The following AHCYL1 variants were observed in gnomAD, a reference collection of about 807,000 sequenced individuals.
AHCYL1 encodes S-adenosylhomocysteine hydrolase-like protein 1.
In AHCYL1, 20 loss-of-function variants were observed where a neutral mutation model predicts 79.3. The ratio of observed to expected loss-of-function variants is 0.25; its 90% CI spans 0.18 to 0.37. The LOEUF (loss-of-function observed/expected upper bound fraction) is 0.37, where lower values mean the gene tolerates loss of function less well. Among genes scored for constraint, AHCYL1 ranks in the 10% least tolerant of loss-of-function variants. The pLI is 1.00. For synonymous variants in AHCYL1, 223 were observed against 242.2 expected (o/e 0.92, Z 0.74); for missense variants, 330 against 673.6 (o/e 0.49, Z 5.65).
chr1:110,010,324 A>C (rs577160147), intron 2 of AHCYL1, among the ~76,000 whole-genome samples: 2 of 152,366 alleles, frequency 1.3e-5, no homozygotes, highest in Non-Finnish European at 2.9e-5. Context: ...GGACCTGTAC[A>C]TAGAAGTCAG....
chr1:109,996,979 G>A (rs1225226952), intron 1 of AHCYL1, among the ~76,000 whole-genome samples: 1 of 152,164 alleles, frequency 6.6e-6, no homozygotes, highest in Non-Finnish European at 1.5e-5. Flanking sequence ...TTATCTCCTC[G>A]CCAGACTGGG....
At chr1:110,015,588 T>A (rs191023484) in intron 7 of AHCYL1, 57 bp downstream of exon 7, 1 of 1,394,912 alleles carries the variant, frequency 7.2e-7, no homozygotes, top group Non-Finnish European at 1.0e-6. Flanking sequence ...ACTCTCCTGG[T>A]CTCTGTTAGG....
rs959481105 is a variant in AHCYL1 at position 110,022,503 on chromosome 1, A to G, written c.*823A>G. 1 of 152,552 alleles carries G rather than the reference A, an allele frequency of 6.6e-6. No homozygotes were observed. The highest frequency in any genetic ancestry group is 1.5e-5 in the Non-Finnish European group (1 of 68,022). 9.4% of individuals were successfully genotyped at this position (152,552 alleles called of 1,614,324 possible). On this transcript the variant is annotated 3_prime_UTR_variant, in exon 17 of 17. Transcript: ENST00000369799. Reference sequence around the variant, plus strand: ...GGAGCTAAGGATGCTGAGTCTAGAGAAATGCTAGTCTCAAGCCCTGTTAAG... The same window carrying G: ...GGAGCTAAGGATGCTGAGTCTAGAGGAATGCTAGTCTCAAGCCCTGTTAAG...
rs1327153959 is a variant in AHCYL1 at position 110,022,055 on chromosome 1, C to T, written c.*375C>T. ...AATGTCTAAATCGCCTTAAAAGAGC[C>T]CATTTCTTAGCTGCTGAAATCAGTG... On this transcript the variant is annotated 3_prime_UTR_variant, in exon 17 of 17. Transcript: ENST00000369799. 5.7e-6 allele frequency: 1 copy of T among 176,510 alleles called. No homozygotes were observed. The highest frequency in any genetic ancestry group is 1.2e-5 in the Non-Finnish European group (1 of 84,446). 10.9% of individuals were successfully genotyped at this position (176,510 alleles called of 1,614,324 possible). A position where few individuals can be genotyped will look rare whatever the true frequency, so the allele number is the denominator to read the frequency against.
intron 1 of AHCYL1, 144 bp from the exon 2 acceptor site, chr1:110,008,890 C>T (rs376133328): frequency 7.0e-6 from 4 of 573,952 alleles, no homozygotes; most frequent in Non-Finnish European, 1.2e-5. Flanking sequence ...TCGGCCTTCC[C>T]CCATTTCTGG....
At chr1:110,020,022 A>T (rs1395466742) in intron 15 of AHCYL1, among the ~76,000 whole-genome samples, 2 of 152,172 alleles carry the variant, frequency 1.3e-5, no homozygotes, top group African/African-American at 4.8e-5. Context: ...AAACCATCCA[A>T]TCTCTTGTAA....
At chr1:110,016,555 A>G (rs1257838380) in intron 8 of AHCYL1, 95 bp downstream of exon 8, 3 of 1,564,954 alleles carry the variant, frequency 1.9e-6, no homozygotes, top group South Asian at 1.1e-5. Context: ...ACTGAGCTCA[A>G]CCAGCTTCCA....
chr1:110,004,193 C>G (rs1323447345), intron 1 of AHCYL1: 19 of 985,514 alleles, frequency 1.9e-5, no homozygotes, highest in Non-Finnish European at 2.2e-5. Flanking sequence ...TGTTGAGACA[C>G]AGAGGCGGGA....
intron 11 of AHCYL1, 76 bp downstream of exon 11, chr1:110,018,092 G>A (rs1651538150): frequency 6.9e-7 from 1 of 1,455,504 alleles, no homozygotes; most frequent in Non-Finnish European, 9.6e-7. Context: ...TCATACAAAG[G>A]AGGTGAGACC....
At position 110,011,206 on chromosome 1, in the gene AHCYL1, G is replaced by T. The variant is rs1359479031; in HGVS notation, c.233-8G>T. Reference sequence around the variant, plus strand: ...TTCTATCCTTGTTTTTTTCTTTCCTGGCTCTAGCTGCATCCTACACAGATA... The same window carrying T: ...TTCTATCCTTGTTTTTTTCTTTCCTTGCTCTAGCTGCATCCTACACAGATA... On this transcript the variant is annotated splice_polypyrimidine_tract_variant and splice_region_variant and intron_variant, in intron 2 of 16. Coordinates refer to ENST00000369799, the MANE Select transcript of AHCYL1 (RefSeq NM_006621.7). The T allele has an allele frequency of 6.2e-6, 10 of 1,609,160 alleles. No individual in the cohort carries two copies. The highest frequency in any genetic ancestry group is 3.4e-5 in the Admixed American group (2 of 58,356).
Position 110,021,715 on chromosome 1 carries a change from C to G in AHCYL1, c.*35C>G, listed in dbSNP as rs1163455702. The G allele has an allele frequency of 6.3e-7, 1 of 1,597,832 alleles. No homozygotes were observed. The highest frequency in any genetic ancestry group is 8.6e-7 in the Non-Finnish European group (1 of 1,167,342). ...CTACCAAGGACCAGTCCACCTGAAC[C>G]ACACACTCTAAAGAAATATTTTTTA... On this transcript the variant is annotated 3_prime_UTR_variant, in exon 17 of 17. Coordinates refer to ENST00000369799, the MANE Select transcript of AHCYL1 (RefSeq NM_006621.7).
intron 1 of AHCYL1, chr1:110,004,248 CCTCTCCCCCAAGAAA>C (rs1650506600): frequency 1.0e-6 from 1 of 985,350 alleles, no homozygotes; most frequent in Admixed American, 6.2e-5. Context: ...GCCTGCCCTC[CCTCTCCCCCAAGAAA>C]CTCAGGCCCC....
intron 3 of AHCYL1, 134 bp downstream of exon 3, chr1:110,011,491 A>G: frequency 8.2e-7 from 1 of 1,217,472 alleles, no homozygotes; most frequent in Admixed American, 2.5e-5. Context: ...ACTTTCGGAT[A>G]AACACTTCTC....
At chr1:110,020,593 T>C in intron 15 of AHCYL1, 138 bp from the exon 16 acceptor site, 7 of 1,202,686 alleles carry the variant, frequency 5.8e-6, no homozygotes, top group Non-Finnish European at 8.0e-6. Context: ...TAAGCAAATA[T>C]TTCAAGTTGT....
At chr1:109,993,517 T>C (rs1649872008) in intron 1 of AHCYL1, among the ~76,000 whole-genome samples, 1 of 152,258 alleles carries the variant, frequency 6.6e-6, no homozygotes, top group African/African-American at 2.4e-5. Flanking sequence ...ACTTATGTGG[T>C]GGCTTTGACT....
chr1:110,012,303 G>T, intron 3 of AHCYL1, 59 bp from the exon 4 acceptor site: 1 of 1,488,218 alleles, frequency 6.7e-7, no homozygotes, highest in Non-Finnish European at 9.3e-7. Context: ...CCAGCCCTGG[G>T]GCAGGAACTG....
chr1:110,010,894 C>T (rs1005506658), intron 2 of AHCYL1, among the ~76,000 whole-genome samples: 1 of 152,218 alleles, frequency 6.6e-6, no homozygotes, highest in Non-Finnish European at 1.5e-5. Context: ...AGGTCTGGTT[C>T]CAATCCAGAT....
intron 15 of AHCYL1, among the ~76,000 whole-genome samples, chr1:110,020,463 TAGAG>T (rs980505032): frequency 1.3e-5 from 2 of 152,114 alleles, no homozygotes; most frequent in African/African-American, 4.8e-5. Context: ...CAGAGAAGGA[TAGAG>T]AGGTAAAAGC....
intron 1 of AHCYL1, chr1:110,003,994 CTT>C: frequency 1.0e-6 from 1 of 985,426 alleles, no homozygotes; most frequent in Non-Finnish European, 1.2e-6. Context: ...TCAAACTACT[CTT>C]TGGCAGAGTT....
Sources: allele counts gnomAD v4.1 joint callset (sites outside exome capture counted in the v4.1 genomes callset), GRCh38; gene constraint gnomAD v4.1.1; transcripts MANE v1.5; gene names NCBI Gene and HGNC (gene_info 2026-07-23, HGNC 2026-07-21).